CTNNA3: variants seen among roughly 807,000 people sequenced by gnomAD.
CTNNA3 encodes the protein catenin alpha-3.
CTNNA3 carries 76 observed loss-of-function variants against 95.7 expected under a neutral mutation model. The observed-to-expected ratio is 0.79, with a 90% CI of 0.66 to 0.96. CTNNA3 has a LOEUF of 0.96. Among genes scored for constraint, CTNNA3 ranks in the 40% least tolerant of loss-of-function variants. CTNNA3 has a pLI of 0.00. For missense variants in CTNNA3, 1,191 were observed against 1,089.8 expected (o/e 1.09, Z -1.31); for synonymous variants, 431 against 374.4 (o/e 1.15, Z -1.74).
At position 66,335,383 on chromosome 10, in the gene CTNNA3, G is replaced by C. The variant is rs1343075273; in HGVS notation, c.1732+43769C>G. Among the ~76,000 whole-genome samples the C allele has an allele frequency of 4.6e-5, 7 of 152,020 alleles. 1 individual carries two copies. The highest frequency in any genetic ancestry group is 8.8e-5 in the Non-Finnish European group (6 of 67,968). On this transcript the variant is annotated intron_variant, in intron 12 of 17. Transcript: ENST00000433211. ...GTTTTATCTACCTTTGGTCTTTGATGATGGTGACGTACAGATGGTGTTTTG... is the reference window on the plus strand; with the variant it reads ...GTTTTATCTACCTTTGGTCTTTGATCATGGTGACGTACAGATGGTGTTTTG...
At chr10:66,308,127 G>A (rs1297292226) in intron 12 of CTNNA3, among the ~76,000 whole-genome samples, 1 of 152,098 alleles carries the variant, frequency 6.6e-6, no homozygotes, top group Admixed American at 6.6e-5. Flanking sequence ...CTATAACCCT[G>A]CATTTTTTGC....
At chr10:66,415,135 C>T (rs2093136370) in intron 11 of CTNNA3, among the ~76,000 whole-genome samples, 1 of 152,156 alleles carries the variant, frequency 6.6e-6, no homozygotes, top group African/African-American at 2.4e-5. Flanking sequence ...GGGGATCACC[C>T]CGCTCCTGAC....
At chr10:67,188,992 C>T (rs1862993875) in intron 6 of CTNNA3, among the ~76,000 whole-genome samples, 1 of 151,950 alleles carries the variant, frequency 6.6e-6, no homozygotes, top group South Asian at 2.1e-4. Context: ...TGGCGCATGC[C>T]TGTAGTTCCA....
intron 10 of CTNNA3, among the ~76,000 whole-genome samples, chr10:66,615,701 G>A (rs1413038921): frequency 6.6e-6 from 1 of 151,706 alleles, no homozygotes; most frequent in Non-Finnish European, 1.5e-5. Flanking sequence ...ATGAAAAAAA[G>A]CTAACTACAC....
chr10:67,419,860 AT>A (rs5785825), intron 5 of CTNNA3, among the ~76,000 whole-genome samples: 32,379 of 147,810 alleles, frequency 0.22, 4,255 homozygotes, highest in East Asian at 0.34. Flanking sequence ...GTTAAACAGG[AT>A]TTTTTTTTTT....
At chr10:66,629,338 T>C (rs1220295638) in intron 9 of CTNNA3, among the ~76,000 whole-genome samples, 1 of 152,008 alleles carries the variant, frequency 6.6e-6, no homozygotes, top group African/African-American at 2.4e-5. Context: ...TAATACTCAC[T>C]CTCTCATTCT....
chr10:66,811,182 A>C (rs1841860528), intron 7 of CTNNA3, among the ~76,000 whole-genome samples: 1 of 152,200 alleles, frequency 6.6e-6, no homozygotes, highest in South Asian at 2.1e-4. Flanking sequence ...GAAACAGTGA[A>C]AAATTAGAAT....
intron 7 of CTNNA3, among the ~76,000 whole-genome samples, chr10:66,823,595 A>C (rs989231889): frequency 6.6e-6 from 1 of 152,190 alleles, no homozygotes; most frequent in Non-Finnish European, 1.5e-5. Flanking sequence ...TGTTATTAGA[A>C]TCATGGCCAA....
At chr10:67,483,526 C>A (rs1018060085) in intron 5 of CTNNA3, among the ~76,000 whole-genome samples, 22 of 151,290 alleles carry the variant, frequency 1.5e-4, no homozygotes, top group Middle Eastern at 3.4e-3. Context: ...GACAAAAAAC[C>A]AAACACCGCA....
At chr10:66,917,878 GT>G (rs1846577874) in intron 7 of CTNNA3, among the ~76,000 whole-genome samples, 1 of 152,150 alleles carries the variant, frequency 6.6e-6, no homozygotes, top group African/African-American at 2.4e-5. Flanking sequence ...TCAAAGCACA[GT>G]CATAGATGCA....
chr10:66,992,341 T>C (rs1365142305), intron 7 of CTNNA3, among the ~76,000 whole-genome samples: 4 of 152,132 alleles, frequency 2.6e-5, no homozygotes, highest in Non-Finnish European at 5.9e-5. Flanking sequence ...TTTATATCCT[T>C]TGCCTATTTG....
intron 9 of CTNNA3, among the ~76,000 whole-genome samples, chr10:66,668,165 CT>C (rs1439416453): frequency 2.6e-5 from 4 of 151,944 alleles, no homozygotes; most frequent in Admixed American, 6.6e-5. Context: ...CTTTCCAACA[CT>C]CAATTTACTA....
chr10:66,786,843 T>C lies in CTNNA3; in HGVS notation c.1048-11319A>G, dbSNP rs112075289. On this transcript the variant is annotated intron_variant, in intron 7 of 17. Transcript: ENST00000433211. The stretch of plus-strand genomic sequence containing the variant: ...ATTGACCATTCTTAGAGGGCAGGCC[T>C]GACAGTGGTGTTCAAGTCAGTTAAG... Among the ~76,000 whole-genome samples the C allele has an allele frequency of 8.7e-3, 1,324 of 152,170 alleles. 13 individuals are homozygous for C. The highest frequency in any genetic ancestry group is 0.03 in the African/African-American group (1,243 of 41,532).
chr10:67,472,879 A>G (rs1847880324), intron 5 of CTNNA3, among the ~76,000 whole-genome samples: 1 of 152,118 alleles, frequency 6.6e-6, no homozygotes, highest in Non-Finnish European at 1.5e-5. Context: ...ACCTTGCAAC[A>G]TCTCCACCTT....
At chr10:66,049,084 A>T (rs1223574647) in intron 15 of CTNNA3, among the ~76,000 whole-genome samples, 1 of 152,128 alleles carries the variant, frequency 6.6e-6, no homozygotes, top group African/African-American at 2.4e-5. Flanking sequence ...GAACTTAAAC[A>T]AATTTACAAG....
chr10:67,641,060 G>A (rs1054074536), intron 2 of CTNNA3, among the ~76,000 whole-genome samples: 7 of 152,122 alleles, frequency 4.6e-5, no homozygotes, highest in Non-Finnish European at 8.8e-5. Flanking sequence ...CCATCAGAGT[G>A]AATAGGCAAC....
At chr10:67,177,685 C>T (rs565157866) in intron 7 of CTNNA3, among the ~76,000 whole-genome samples, 3 of 152,280 alleles carry the variant, frequency 2.0e-5, no homozygotes, top group East Asian at 3.9e-4. Context: ...AATGCATTCC[C>T]TTTCATTAAA....
rs150756746 is a variant in CTNNA3 at position 67,435,039 on chromosome 10, C to T, written c.579+86803G>A. ...GATATATTGCTATAGGAATCTGCTC[C>T]ATGTTCTACAATTTACAAATAAAGC... is the stretch of plus-strand genomic sequence containing the variant. On this transcript the variant is annotated intron_variant, in intron 5 of 17. Transcript: ENST00000433211. Among the ~76,000 whole-genome samples the T allele has an allele frequency of 1.0e-3, 156 of 152,126 alleles. No individual in the cohort carries two copies. The Middle Eastern group carries it at 0.024, about 23-fold the overall frequency.
intron 7 of CTNNA3, among the ~76,000 whole-genome samples, chr10:67,073,644 A>C (rs549675393): frequency 5.3e-5 from 8 of 152,194 alleles, no homozygotes; most frequent in African/African-American, 1.7e-4. Flanking sequence ...ATCACACACA[A>C]AAAATAATAG....
Sources: gnomAD v4.1 joint callset for allele counts (sites outside exome capture counted in the v4.1 genomes callset) on GRCh38, gnomAD v4.1.1 for gene constraint, MANE v1.5 for transcripts, NCBI Gene and HGNC (gene_info 2026-07-23, HGNC 2026-07-21) for gene names.